The following ESYT3 variants were observed in gnomAD, a reference collection of about 807,000 sequenced individuals.
ESYT3 encodes the protein extended synaptotagmin 3.
A neutral mutation model predicts 111.5 loss-of-function variants in ESYT3; 101 were observed. The ratio of observed to expected loss-of-function variants is 0.91; its 90% CI spans 0.77 to 1.07. The LOEUF (loss-of-function observed/expected upper bound fraction) is 1.07. ESYT3 is among the 50% of genes least tolerant of loss of function. The pLI, the probability that ESYT3 is intolerant of heterozygous loss-of-function variation, is 0.00. For missense variants in ESYT3, 1,097 were observed against 1,109.4 expected (o/e 0.99, Z 0.16); for synonymous variants, 416 against 446.8 (o/e 0.93, Z 0.87).
intron 7 of ESYT3, among the ~76,000 whole-genome samples, chr3:138,460,906 TAGTGGGCA>T (rs1156932425): frequency 6.6e-6 from 1 of 152,120 alleles, no homozygotes; most frequent in East Asian, 1.9e-4. Flanking sequence ...CACACCCATG[TAGTGGGCA>T]AGAAGTGCTT....
chr3:138,451,913 C>T (rs1418510912), intron 1 of ESYT3, 135 bp from the exon 2 acceptor site: 7 of 960,390 alleles, frequency 7.3e-6, no homozygotes, highest in Non-Finnish European at 1.1e-5. Context: ...CACCTGTGAC[C>T]GACGTGGAGG....
At position 138,457,753 on chromosome 3, in the gene ESYT3, C is replaced by T. The variant is rs551269308; in HGVS notation, c.581+109C>T. 2.9e-5 allele frequency: 30 copies of T among 1,051,278 alleles called. No individual in the cohort carries two copies. The East Asian group carries it at 6.8e-4, about 24-fold the overall frequency. 65.1% of individuals were successfully genotyped at this position (1,051,278 alleles called of 1,614,324 possible). On this transcript the variant is annotated intron_variant, in intron 4 of 22. Transcript: ENST00000389567. The stretch of plus-strand genomic sequence containing the variant: ...TATACTCTGACTTGGGATGTGGAAC[C>T]CCTCACAGGACCCTCCCCTCCTCCC...
intron 21 of ESYT3, 37 bp from the exon 22 acceptor site, chr3:138,476,406 T>C: frequency 6.2e-7 from 1 of 1,609,852 alleles, no homozygotes. Context: ...CTTAATGCAG[T>C]GTTTTGGAGG....
intron 12 of ESYT3, 42 bp downstream of exon 12, chr3:138,468,236 G>A: frequency 6.3e-7 from 1 of 1,582,236 alleles, no homozygotes; most frequent in South Asian, 1.1e-5. Context: ...GAAAGGTGGA[G>A]GAGCACACGT....
At chr3:138,459,069 A>G in intron 4 of ESYT3, 118 bp from the exon 5 acceptor site, 1 of 706,968 alleles carries the variant, frequency 1.4e-6, no homozygotes, top group Non-Finnish European at 2.3e-6. Flanking sequence ...CATAGAGCTC[A>G]GGGTCGGCAA....
At position 138,434,830 on chromosome 3, in the gene ESYT3, CCCCCAGCGCCCTGGGA is replaced by C; in HGVS notation, c.33_48del (p.Leu15ArgfsTer32). 6.4e-7 allele frequency: 1 copy of C among 1,555,462 alleles called. No individual in the cohort carries two copies. The highest frequency in any genetic ancestry group is 8.7e-7 in the Non-Finnish European group (1 of 1,151,162). ...GCAGAGGAGCCCTGCGCCCCCGGGG[CCCCCAGCGCCCTGGGA>C]GCCCAGCGCACGCCGGGCCCCGAGC... On this transcript the variant is annotated frameshift_variant, in exon 1 of 23. Transcript: ENST00000389567. LOFTEE classifies it high-confidence loss of function.
intron 15 of ESYT3, 87 bp downstream of exon 15, chr3:138,469,591 CTT>C: frequency 9.0e-7 from 1 of 1,111,044 alleles, no homozygotes; most frequent in African/African-American, 1.5e-5. Flanking sequence ...GGGGAATTAA[CTT>C]ATGGTGAATG....
Position 138,477,923 on chromosome 3 carries a change from ACAAAGTTT to A in ESYT3, c.*1070_*1077del. The A allele has an allele frequency of 6.6e-6, 1 of 152,300 alleles. No individual in the cohort carries two copies. The highest frequency in any genetic ancestry group is 6.5e-5 in the Admixed American group (1 of 15,288). 9.4% of individuals were successfully genotyped at this position (152,300 alleles called of 1,614,324 possible). ...TTCTGAAGCAGGGCAACATTCGAGAACAAAGTTTTGTCATGTTACTCTTATTCCAGTTT... is the reference window on the plus strand; with the variant it reads ...TTCTGAAGCAGGGCAACATTCGAGAATGTCATGTTACTCTTATTCCAGTTT... On this transcript the variant is annotated 3_prime_UTR_variant, in exon 23 of 23. Coordinates refer to ENST00000389567, the MANE Select transcript of ESYT3 (RefSeq NM_031913.5).
rs552234007 is a variant in ESYT3, at chr3:138,460,045, A to C, written c.738+11A>C. The C allele has an allele frequency of 2.5e-6, 4 of 1,613,124 alleles. No homozygotes were observed. The South Asian group carries it at 4.4e-5, about 18-fold the overall frequency. ...TTCCTTCAGAAGCCGGTGAGTCCCA[A>C]GGACTGCGGTAAGCCTGCTGCTCCC... On this transcript the variant is annotated intron_variant, in intron 6 of 22. Transcript: ENST00000389567.
At chr3:138,439,140 C>G (rs113806774) in intron 1 of ESYT3, among the ~76,000 whole-genome samples, 1 of 152,170 alleles carries the variant, frequency 6.6e-6, no homozygotes, top group Non-Finnish European at 1.5e-5. Flanking sequence ...CGTGGTGAGT[C>G]GACTGTTTGA....
chr3:138,481,459 T>C (rs991356921), downstream of ESYT3: 24 of 152,028 alleles, frequency 1.6e-4, no homozygotes, highest in Middle Eastern at 3.4e-3. Context: ...CTCTGCTTCC[T>C]GGGTTCAAGT....
chr3:138,476,054 G>A (rs1391123648), intron 20 of ESYT3, among the ~76,000 whole-genome samples, 169 bp from the exon 21 acceptor site: 9 of 152,206 alleles, frequency 5.9e-5, no homozygotes. Flanking sequence ...ACTGGACAGT[G>A]ATTATTTGTA....
chr3:138,453,339 G>A (rs2032064347), intron 2 of ESYT3, among the ~76,000 whole-genome samples: 2 of 152,222 alleles, frequency 1.3e-5, no homozygotes, highest in African/African-American at 4.8e-5. Context: ...TGGATGGGGA[G>A]ACAGAGACAG....
In ESYT3 at chr3:138,477,040, G is replaced by A. The variant is rs1055539434; in HGVS notation, c.*186G>A. On this transcript the variant is annotated 3_prime_UTR_variant, in exon 23 of 23. Coordinates refer to ENST00000389567, the MANE Select transcript of ESYT3 (RefSeq NM_031913.5). Reference sequence around the variant, plus strand: ...CATGACTGAATAGCATAAGGAAGAGGTTATTTAAAAGCAAGAACTACTTTT... The same window carrying A: ...CATGACTGAATAGCATAAGGAAGAGATTATTTAAAAGCAAGAACTACTTTT... The A allele has an allele frequency of 2.9e-5, 13 of 443,542 alleles. No individual in the cohort carries two copies. The Admixed American group carries it at 4.8e-4, about 16-fold the overall frequency. 27.5% of individuals were successfully genotyped at this position (443,542 alleles called of 1,614,324 possible).
At chr3:138,462,849 GAC>G (rs1333080150) in intron 8 of ESYT3, among the ~76,000 whole-genome samples, 5 of 152,074 alleles carry the variant, frequency 3.3e-5, no homozygotes, top group African/African-American at 1.2e-4. Flanking sequence ...TTTTTGTAGA[GAC>G]AGAGTTTTGC....
At chr3:138,470,682 G>A (rs1443721980) in intron 16 of ESYT3, 195 bp from the exon 17 acceptor site, 1 of 1,408,252 alleles carries the variant, frequency 7.1e-7, no homozygotes, top group Non-Finnish European at 9.2e-7. Context: ...CCTCTACTCT[G>A]AGTCACTATC....
intron 8 of ESYT3, among the ~76,000 whole-genome samples, chr3:138,462,991 T>C (rs999151325): frequency 2.6e-5 from 4 of 152,128 alleles, no homozygotes; most frequent in Admixed American, 6.5e-5. Context: ...CAAATACATA[T>C]ATATGGTCGT....
intron 1 of ESYT3, among the ~76,000 whole-genome samples, chr3:138,449,153 C>T (rs1325006874): frequency 3.4e-5 from 5 of 145,442 alleles, no homozygotes; most frequent in South Asian, 2.2e-4. Flanking sequence ...GGTGTGACCT[C>T]GACTCACTGC....
chr3:138,469,610 A>G, intron 15 of ESYT3, 106 bp downstream of exon 15: 1 of 837,298 alleles, frequency 1.2e-6, no homozygotes, highest in Non-Finnish European at 2.0e-6. Flanking sequence ...AATGCCTAGT[A>G]GGCACTTGAT....
Sources: allele counts gnomAD v4.1 joint callset (sites outside exome capture counted in the v4.1 genomes callset), GRCh38; gene constraint gnomAD v4.1.1; transcripts MANE v1.5; gene names NCBI Gene and HGNC (gene_info 2026-07-23, HGNC 2026-07-21).